Variants in MORC3 observed in about 807,000 individuals in gnomAD.
MORC3 encodes the protein MORC family CW-type zinc finger 3.
Under a neutral mutation model 109.1 loss-of-function variants are expected in MORC3, and 31 were observed. The observed-to-expected ratio is 0.28, with a 90% CI of 0.21 to 0.38. MORC3 has a LOEUF of 0.38. MORC3 is among the 10% of genes least tolerant of loss of function. MORC3 has a pLI of 1.00. For synonymous variants in MORC3, 395 were observed against 380.7 expected, an observed-to-expected ratio of 1.04 and a Z score of -0.44; for missense variants, 867 against 1,135.8, an observed-to-expected ratio of 0.76 and a Z score of 3.40.
intron 10 of MORC3, among the ~76,000 whole-genome samples, chr21:36,357,176 T>C (rs1258279494): frequency 6.6e-6 from 1 of 152,178 alleles, no homozygotes; most frequent in Non-Finnish European, 1.5e-5. Context: ...ATTATATGAA[T>C]TAAATAATAT....
chr21:36,339,018 A>G (rs979512481), intron 5 of MORC3, 97 bp downstream of exon 5: 1 of 1,350,306 alleles, frequency 7.4e-7, no homozygotes, highest in African/African-American at 1.4e-5. Flanking sequence ...GTAGAAATAC[A>G]TGGAAAGGTA....
Position 36,344,665 on chromosome 21 carries a change from T to G in MORC3, c.843T>G (p.Ser281Arg), listed in dbSNP as rs375520352. Residue 281 changes from serine to arginine, a missense_variant, in exon 7 of 17, where the codon AGT becomes AGG. Around this residue, in one of 7 missense-constraint regions of MORC3, gnomAD observed 120 missense variants for 259.7 expected, o/e 0.46. Coordinates refer to ENST00000400485, the MANE Select transcript of MORC3 (RefSeq NM_015358.3). ...TGAAGACACAGCTGGTTTCGAAGAG[T>G]CTTGCCTACATCGAACGTGATGTTT... ...QKVKTQLVSK[S>R]LAYIERDVYR... 1 of 1,613,830 alleles carries G rather than the reference T, an allele frequency of 6.2e-7. No homozygotes were observed. The highest frequency in any genetic ancestry group is 8.5e-7 in the Non-Finnish European group (1 of 1,179,990).
chr21:36,333,586 G>A, intron 1 of MORC3, 60 bp from the exon 2 acceptor site: 1 of 1,374,512 alleles, frequency 7.3e-7, no homozygotes, highest in Non-Finnish European at 1.0e-6. Context: ...TAAAAATACT[G>A]GTTTTTATTT....
At chr21:36,367,417 A>C (rs117433490) in intron 14 of MORC3, among the ~76,000 whole-genome samples, 3,009 of 152,350 alleles carry the variant, frequency 0.02, 54 homozygotes, top group Admixed American at 0.043. Flanking sequence ...ATGGGACAGC[A>C]GACTGAAACA....
rs201575490 is a variant in MORC3, at chr21:36,369,340, G to A, written c.1972G>A (p.Glu658Lys). The A allele has an allele frequency of 5.0e-5, 81 of 1,614,156 alleles. No homozygotes were observed. Among genetic ancestry groups the A allele is most frequent in the East Asian group, 3.1e-4 (14 of 44,886 alleles). ...TAAAAAAGAAGAAACTGTTGAAGACGAGATAGACGTAAGAAATGATGCAGT... is the reference window on the plus strand; with the variant it reads ...TAAAAAAGAAGAAACTGTTGAAGACAAGATAGACGTAAGAAATGATGCAGT... ...VVKKEETVED[E>K]IDVRNDAVIL... The change falls in exon 15 of 17, where the codon GAG becomes AAG. Residue 658 changes from glutamate (E) to lysine (K), a missense_variant. Transcript: ENST00000400485.
In MORC3 at chr21:36,372,369, G is replaced by A. The variant is rs2085879650; in HGVS notation, c.2509-5G>A. ...AGTTATAAAGCTCATTTATATTTTT[G>A]TTAGGTTGAATTGCTGGAAATGGAA... On this transcript the variant is annotated splice_polypyrimidine_tract_variant and splice_region_variant and intron_variant, in intron 15 of 16. Transcript: ENST00000400485. 1.3e-6 allele frequency: 2 copies of A among 1,554,282 alleles called. No homozygotes were observed. The highest frequency in any genetic ancestry group is 1.7e-6 in the Non-Finnish European group (2 of 1,158,448).
chr21:36,354,827 C>T (rs2085626842), intron 9 of MORC3, among the ~76,000 whole-genome samples: 1 of 152,226 alleles, frequency 6.6e-6, no homozygotes, highest in Non-Finnish European at 1.5e-5. Context: ...CAGAAACACT[C>T]ATCTCCATCA....
chr21:36,353,225 C>T lies in MORC3; in HGVS notation c.1104-3395C>T, dbSNP rs183569873. ...TACAAAAATTAGCTGGGCTTGGTGG[C>T]GTGTGGCTGTAATCCCAGCTACTCA... On this transcript the variant is annotated intron_variant, in intron 9 of 16. Coordinates refer to ENST00000400485, the MANE Select transcript of MORC3 (RefSeq NM_015358.3). 1.3e-4 allele frequency among the ~76,000 whole-genome samples: 20 copies of T among 150,766 alleles called. 1 individual carries two copies. Among genetic ancestry groups the T allele is most frequent in the Admixed American group, 5.3e-4 (8 of 15,096 alleles).
Position 36,320,229 on chromosome 21 carries a change from G to A in MORC3, c.-36G>A. The A allele has an allele frequency of 6.4e-7, 1 of 1,570,282 alleles. No homozygotes were observed. The highest frequency in any genetic ancestry group is 8.6e-7 in the Non-Finnish European group (1 of 1,158,656). ...TTCCGCCACCTCCCAGTCGGGTTGC[G>A]GCGGAGGCCGTTCCTGGCTTTGTAG... On this transcript the variant is annotated 5_prime_UTR_variant, in exon 1 of 17. Transcript: ENST00000400485.
Position 36,338,871 on chromosome 21 carries a change from T to C in MORC3, c.558T>C (p.Asp186=). ...STEQKLLAEL[D]AIIGKKGTRI... is the part of the protein sequence containing the mutation. ...AACAGAAGTTACTGGCAGAACTTGA[T>C]GCTATTATAGGCAAGAAGGGGACGA... The change falls in exon 5 of 17, where the codon GAT becomes GAC. Residue 186 remains aspartate (D), a synonymous_variant. Coordinates refer to ENST00000400485, the MANE Select transcript of MORC3 (RefSeq NM_015358.3). 6.2e-7 allele frequency: 1 copy of C among 1,614,144 alleles called. No individual in the cohort carries two copies. The highest frequency in any genetic ancestry group is 1.1e-5 in the South Asian group (1 of 91,084).
chr21:36,359,730 T>C (rs1170858859), intron 10 of MORC3, among the ~76,000 whole-genome samples: 1 of 152,010 alleles, frequency 6.6e-6, no homozygotes, highest in Non-Finnish European at 1.5e-5. Flanking sequence ...ATCTTTGTGT[T>C]TTTTTGTAGA....
chr21:36,355,818 T>C (rs1485572482), intron 9 of MORC3, among the ~76,000 whole-genome samples: 2 of 150,796 alleles, frequency 1.3e-5, no homozygotes, highest in Admixed American at 1.3e-4. Flanking sequence ...TAGCCAGGTG[T>C]GGTGGCAAGT....
chr21:36,324,986 G>A (rs986120641), intron 1 of MORC3, among the ~76,000 whole-genome samples: 1 of 152,176 alleles, frequency 6.6e-6, no homozygotes, highest in African/African-American at 2.4e-5. Context: ...TGGGATTACA[G>A]GCGTGAGCCA....
At chr21:36,320,347 C>A in intron 1 of MORC3, 44 bp downstream of exon 1, 1 of 868,850 alleles carries the variant, frequency 1.2e-6, no homozygotes, top group Non-Finnish European at 1.6e-6. Flanking sequence ...CCCAGGAGGG[C>A]GGGCGGGCAA....
chr21:36,353,996 A>AG (rs1218368687), intron 9 of MORC3, among the ~76,000 whole-genome samples: 3 of 151,572 alleles, frequency 2.0e-5, no homozygotes, highest in Non-Finnish European at 2.9e-5. Context: ...ACTTGAACCC[A>AG]GGAGGTGGAG....
rs74389764 is a variant in MORC3 at position 36,338,829 on chromosome 21, T to C, written c.516T>C (p.His172=). 245 of 1,614,092 alleles carry C rather than the reference T, an allele frequency of 1.5e-4. No homozygotes were observed. The East Asian group carries it at 5.3e-3, about 35-fold the overall frequency. Residue 172 remains histidine (H), a synonymous_variant, in exon 5 of 17, where the codon CAT becomes CAC. Transcript: ENST00000400485. ...SKASLAAILE[H]SLFSTEQKLL... is the part of the protein sequence containing the mutation. ...CCAGCCTTGCTGCAATTCTGGAACA[T>C]TCTCTGTTTTCCACGGAACAGAAGT...
At chr21:36,340,829 G>T (rs2085437341) in intron 5 of MORC3, among the ~76,000 whole-genome samples, 2 of 151,932 alleles carry the variant, frequency 1.3e-5, no homozygotes, top group Admixed American at 1.3e-4. Context: ...TAGAGACAGG[G>T]TTTTGCCATA....
intron 1 of MORC3, among the ~76,000 whole-genome samples, chr21:36,328,875 A>C (rs2085279662): frequency 6.6e-6 from 1 of 151,180 alleles, no homozygotes; most frequent in African/African-American, 2.4e-5. Flanking sequence ...GGCCACACAC[A>C]CATAAAATAT....
chr21:36,353,849 C>T (rs1165139782), intron 9 of MORC3, among the ~76,000 whole-genome samples: 7 of 146,514 alleles, frequency 4.8e-5, no homozygotes, highest in African/African-American at 1.8e-4. Context: ...CCGGCCACCT[C>T]GGCCTCCCAA....
Sources: gnomAD v4.1 joint callset for allele counts (sites outside exome capture counted in the v4.1 genomes callset) on GRCh38, gnomAD v4.1.1 for gene constraint, gnomAD v4.1.1 regional missense constraint, MANE v1.5 for transcripts, NCBI Gene and HGNC (gene_info 2026-07-23, HGNC 2026-07-21) for gene names.